C1orf198: variants seen among roughly 807,000 people sequenced by gnomAD.
C1orf198 encodes chromosome 1 open reading frame 198.
A neutral mutation model predicts 31.4 loss-of-function variants in C1orf198; 17 were observed. The observed-to-expected ratio is 0.54, with a 90% CI of 0.37 to 0.81. The LOEUF (loss-of-function observed/expected upper bound fraction) is 0.81. C1orf198 is among the 40% of genes least tolerant of loss of function. The pLI, the probability that C1orf198 is intolerant of heterozygous loss-of-function variation, is 0.00. For synonymous variants in C1orf198, 175 were observed against 193.8 expected, an observed-to-expected ratio of 0.90 and a Z score of 0.81; for missense variants, 401 against 450.3, an observed-to-expected ratio of 0.89 and a Z score of 0.99.
At chr1:230,861,378 G>C (rs1558142468) in intron 1 of C1orf198, among the ~76,000 whole-genome samples, 1 of 152,046 alleles carries the variant, frequency 6.6e-6, no homozygotes, top group Non-Finnish European at 1.5e-5. Flanking sequence ...TGTAAAAACT[G>C]AATTTTTTTA....
intron 2 of C1orf198, among the ~76,000 whole-genome samples, chr1:230,847,327 T>G (rs1669622463): frequency 6.6e-6 from 1 of 152,002 alleles, no homozygotes. Context: ...GCATTGGTTC[T>G]CTGGTTAAAG....
Position 230,840,195 on chromosome 1 carries a change from T to C in C1orf198, c.928-287A>G, listed in dbSNP as rs566322420. On this transcript the variant is annotated intron_variant, in intron 3 of 3. Transcript: ENST00000366663. This position sits in a 1 kb window ranked among gnomAD's most constrained non-coding sequence, Gnocchi z 4.0. ...AAAGAACAATGTCTCTGTATTTTTC[T>C]ATAAATCTTTTCTGTTTCTGAATGA... Among the ~76,000 whole-genome samples, 9 of 152,370 alleles carry C rather than the reference T, an allele frequency of 5.9e-5. No homozygotes were observed. Among genetic ancestry groups the C allele is most frequent in the Admixed American group, 2.0e-4 (3 of 15,312 alleles).
At position 230,843,850 on chromosome 1, in the gene C1orf198, C is replaced by G. The variant is rs779974069; in HGVS notation, c.431G>C (p.Ser144Thr). 3 of 1,542,048 alleles carry G rather than the reference C, an allele frequency of 1.9e-6. No individual in the cohort carries two copies. Among genetic ancestry groups the G allele is most frequent in the Non-Finnish European group, 1.7e-6 (2 of 1,147,286 alleles). ...GGGCTCGCTGGCGGCGGTGCCGTTG[C>G]TCGGCTCCTGGATGGATAGGGCGGA... ...SISALSIQEP[S>T]NGTAASEPRP... Residue 144 changes from serine to threonine, a missense_variant, in exon 3 of 4, where the codon AGC (serine) becomes ACC (threonine). Physicochemically the swap from Ser to Thr is moderately conservative, Grantham distance 58 (BLOSUM62 1). Coordinates refer to ENST00000366663, the MANE Select transcript of C1orf198 (RefSeq NM_032800.3). The surrounding 1 kb of genome is among the most constrained non-coding windows in gnomAD (Gnocchi z 4.9).
chr1:230,854,397 C>A (rs941671634), intron 2 of C1orf198, among the ~76,000 whole-genome samples: 1 of 152,210 alleles, frequency 6.6e-6, no homozygotes, highest in Non-Finnish European at 1.5e-5. Context: ...CTTATGACTT[C>A]CTTTGCAATG....
At chr1:230,854,033 C>A (rs1669806336) in intron 2 of C1orf198, among the ~76,000 whole-genome samples, 1 of 152,176 alleles carries the variant, frequency 6.6e-6, no homozygotes, top group Non-Finnish European at 1.5e-5. Context: ...TCCTGTCCCA[C>A]AAATAGCTGA....
Position 230,862,917 on chromosome 1 carries a change from G to A in C1orf198, c.333+5263C>T, listed in dbSNP as rs190230093. Among the ~76,000 whole-genome samples, 40 of 152,326 alleles carry A rather than the reference G, an allele frequency of 2.6e-4. No individual in the cohort carries two copies. The East Asian group carries it at 7.3e-3, about 28-fold the overall frequency. On this transcript the variant is annotated intron_variant, in intron 1 of 3. Transcript: ENST00000366663. Reference sequence around the variant, plus strand: ...GCTGTCACAAATGCACCACTGTAGCGTGGGAGCCAGAGAGGCAATGAGAAC... The same window carrying A: ...GCTGTCACAAATGCACCACTGTAGCATGGGAGCCAGAGAGGCAATGAGAAC...
At chr1:230,845,849 G>A (rs1669576315) in intron 2 of C1orf198, among the ~76,000 whole-genome samples, 1 of 152,114 alleles carries the variant, frequency 6.6e-6, no homozygotes, top group Non-Finnish European at 1.5e-5. Flanking sequence ...TTATTTCTAT[G>A]TAACCATTTT....
rs1253642990 is a variant in C1orf198 at position 230,843,018 on chromosome 1, G to A, written c.927+336C>T. On this transcript the variant is annotated intron_variant, in intron 3 of 3. Transcript: ENST00000366663. The surrounding 1 kb of genome is among the most constrained non-coding windows in gnomAD (Gnocchi z 4.9). ...TCTATGGACAGCTCCCAAAAAGAAG[G>A]CCCAACACAGCTTTGAGCTGTGACA... is the stretch of plus-strand genomic sequence containing the variant. Among the ~76,000 whole-genome samples, 3 of 152,314 alleles carry A rather than the reference G, an allele frequency of 2.0e-5. No individual in the cohort carries two copies. The highest frequency in any genetic ancestry group is 3.9e-4 in the East Asian group (2 of 5,172).
rs1669375668 is a variant in C1orf198 at position 230,838,996 on chromosome 1, C to T, written c.*856G>A. On this transcript the variant is annotated 3_prime_UTR_variant, in exon 4 of 4. Coordinates refer to ENST00000366663, the MANE Select transcript of C1orf198 (RefSeq NM_032800.3). This position sits in a 1 kb window ranked among gnomAD's most constrained non-coding sequence, Gnocchi z 4.2. ...CAACTAAGCAGAAGAGCCCTGACCT[C>T]CAGCCACATCTGCCGTCTGCCCTGA... 1.3e-5 allele frequency: 2 copies of T among 152,604 alleles called. No individual in the cohort carries two copies. Among genetic ancestry groups the T allele is most frequent in the Admixed American group, 6.5e-5 (1 of 15,290 alleles). The allele number at this position is 152,604 out of a possible 1,614,324, so 9.5% of individuals were successfully genotyped here.
intron 2 of C1orf198, among the ~76,000 whole-genome samples, chr1:230,847,335 A>T (rs1258764823): frequency 3.9e-5 from 6 of 152,182 alleles, no homozygotes; most frequent in Non-Finnish European, 1.5e-5. Flanking sequence ...TCTCTGGTTA[A>T]AGACAATGTA....
At chr1:230,851,294 T>C (rs1480249344) in intron 2 of C1orf198, among the ~76,000 whole-genome samples, 2 of 152,028 alleles carry the variant, frequency 1.3e-5, no homozygotes, top group African/African-American at 4.8e-5. Flanking sequence ...GCCAGACAGC[T>C]TGGGGGAGGG....
At chr1:230,864,924 T>G (rs1408436695) in intron 1 of C1orf198, among the ~76,000 whole-genome samples, 2 of 152,108 alleles carry the variant, frequency 1.3e-5, no homozygotes, top group African/African-American at 4.8e-5. Context: ...AACAGGGTGA[T>G]CCCTCTAAAA....
At chr1:230,869,557 A>G (rs1670218063), upstream of C1orf198, 1 of 152,238 alleles carries the variant, frequency 6.6e-6, no homozygotes, top group Non-Finnish European at 1.5e-5. Flanking sequence ...GCTGTTATCC[A>G]GGGTCTTTGC....
intron 2 of C1orf198, among the ~76,000 whole-genome samples, chr1:230,844,937 C>A (rs749608445): frequency 1.3e-5 from 2 of 152,246 alleles, no homozygotes; most frequent in Non-Finnish European, 2.9e-5. Context: ...TAAACCTCCT[C>A]TTTGGAGTAG....
chr1:230,859,511 T>C (rs1454523747), intron 1 of C1orf198, among the ~76,000 whole-genome samples: 1 of 152,146 alleles, frequency 6.6e-6, no homozygotes, highest in Non-Finnish European at 1.5e-5. Context: ...TGGGCAGCAC[T>C]GAATCTCTCC....
rs1669397664 is a variant in C1orf198 at position 230,839,871 on chromosome 1, T to C, written c.965A>G (p.Asp322Gly). Residue 322 changes from aspartate to glycine, a missense_variant, in exon 4 of 4, where the codon GAT becomes GGT. Physicochemically the swap from Asp to Gly is moderately conservative, Grantham distance 94. Coordinates refer to ENST00000366663, the MANE Select transcript of C1orf198 (RefSeq NM_032800.3). ...TACATTTTACCAATTGTCCAGAAAA[T>C]CAAATCCCGTCTTCAAGACGACATT... ...SSNVVLKTGFDFLDNW is the reference protein window; with the variant it reads ...SSNVVLKTGFGFLDNW The C allele has an allele frequency of 6.2e-7, 1 of 1,610,750 alleles. No individual in the cohort carries two copies. The highest frequency in any genetic ancestry group is 8.5e-7 in the Non-Finnish European group (1 of 1,179,356).
intron 3 of C1orf198, among the ~76,000 whole-genome samples, chr1:230,842,809 T>C (rs907406788): frequency 6.6e-6 from 1 of 151,298 alleles, no homozygotes; most frequent in Non-Finnish European, 1.5e-5. Flanking sequence ...CAGAGGAGGA[T>C]GGGTGAGGCT....
In C1orf198 at chr1:230,843,897, C is replaced by T. The variant is rs760099919; in HGVS notation, c.385-1G>A. ...CGGAGATACTGAACTCCATCTGACT[C>T]TAGGGTGGGACATGAGAAAGGACAG... On this transcript the variant is annotated splice_acceptor_variant, in intron 2 of 3. Coordinates refer to ENST00000366663, the MANE Select transcript of C1orf198 (RefSeq NM_032800.3). LOFTEE classifies it high-confidence loss of function. This position sits in a 1 kb window ranked among gnomAD's most constrained non-coding sequence, Gnocchi z 4.9. The T allele has an allele frequency of 5.3e-6, 8 of 1,504,700 alleles. No individual in the cohort carries two copies. The highest frequency in any genetic ancestry group is 7.1e-6 in the Non-Finnish European group (8 of 1,131,430). The allele number at this position is 1,504,700 out of a possible 1,614,324, so 93.2% of individuals were successfully genotyped here.
In C1orf198 at chr1:230,840,649, C is replaced by T. The variant is rs1216549444; in HGVS notation, c.928-741G>A. 6.6e-6 allele frequency among the ~76,000 whole-genome samples: 1 copy of T among 152,194 alleles called. No individual in the cohort carries two copies. The highest frequency in any genetic ancestry group is 2.4e-5 in the African/African-American group (1 of 41,434). ...ACTCAGCAGCCTGTTTCTGATGTCC[C>T]TTTCCTCCAGCCTAACACCGGCAGG... On this transcript the variant is annotated intron_variant, in intron 3 of 3. Transcript: ENST00000366663. This position sits in a 1 kb window ranked among gnomAD's most constrained non-coding sequence, Gnocchi z 4.0.
Sources: gnomAD v4.1 joint callset for allele counts (sites outside exome capture counted in the v4.1 genomes callset) on GRCh38, gnomAD v4.1.1 for gene constraint, Gnocchi (gnomAD v3.1) non-coding constraint, MANE v1.5 for transcripts, NCBI Gene and HGNC (gene_info 2026-07-23, HGNC 2026-07-21) for gene names.